The following CAST variants were observed in gnomAD, a reference collection of about 807,000 sequenced individuals.
The protein encoded by CAST is MIR583 host.
A neutral mutation model predicts 119.6 loss-of-function variants in CAST; 76 were observed. That is an observed-to-expected ratio of 0.64 (90% CI 0.53 to 0.77). The LOEUF is 0.77. CAST is among the 30% of genes least tolerant of loss of function. CAST has a pLI of 0.00. For synonymous variants in CAST, 319 were observed against 331.6 expected, an observed-to-expected ratio of 0.96 and a Z score of 0.41; for missense variants, 953 against 946.5, an observed-to-expected ratio of 1.01 and a Z score of -0.09.
the CAST span, among the ~76,000 whole-genome samples, chr5:95,993,824 C>CA: frequency 6.6e-6 from 1 of 151,678 alleles, no homozygotes; most frequent in African/African-American, 2.4e-5. Flanking sequence ...ACAGACGCTT[C>CA]AAAAAAGAAC....
chr5:96,412,596 A>G, the CAST span: 1 of 1,057,568 alleles, frequency 9.5e-7, no homozygotes, highest in Non-Finnish European at 1.4e-6. Context: ...TTTAAGAGTC[A>G]AAAACCAGGT....
At chr5:96,399,227 A>G in the CAST span, among the ~76,000 whole-genome samples, 49 of 152,228 alleles carry the variant, frequency 3.2e-4, no homozygotes, top group Non-Finnish European at 5.3e-4. Context: ...AGGGGCACTA[A>G]TACTTAAATA....
At chr5:96,584,644 T>C (rs893790941) in intron 1 of CAST, 2 of 152,130 alleles carry the variant, frequency 1.3e-5, no homozygotes, top group Admixed American at 1.3e-4. Flanking sequence ...AGAAAGTGAG[T>C]GCAGCCTTCA....
chr5:96,615,644 A>C (rs981476111), intron 1 of CAST, among the ~76,000 whole-genome samples: 2 of 152,124 alleles, frequency 1.3e-5, no homozygotes, highest in Non-Finnish European at 2.9e-5. Context: ...GTGGAGGTGT[A>C]TGGTAGTGAG....
At chr5:96,727,599 G>T in intron 6 of CAST, 69 bp downstream of exon 6, 3 of 1,024,376 alleles carry the variant, frequency 2.9e-6, no homozygotes, top group Non-Finnish European at 4.4e-6. Context: ...TCAACTTCCT[G>T]CCTTGGCACA....
Position 96,695,827 on chromosome 5 carries a change from A to AT in CAST, c.139-5dup. 6.2e-7 allele frequency: 1 copy of AT among 1,603,044 alleles called. No homozygotes were observed. Among genetic ancestry groups the AT allele is most frequent in the Non-Finnish European group, 8.5e-7 (1 of 1,170,814 alleles). On this transcript the variant is annotated splice_polypyrimidine_tract_variant and intron_variant, in intron 2 of 31. Coordinates refer to ENST00000675179, the MANE Select transcript of CAST (RefSeq NM_001750.7). ...TCCCCCATTGAAACTAATATTTTCT[A>AT]TTTTCAAGAAAAAAGCAGCAAGCCT...
chr5:96,706,112 G>A (rs1008018117), intron 3 of CAST, among the ~76,000 whole-genome samples: 4 of 152,120 alleles, frequency 2.6e-5, no homozygotes, highest in Admixed American at 1.3e-4. Flanking sequence ...TAGTTTTATC[G>A]TAATATGAAT....
the CAST span, among the ~76,000 whole-genome samples, chr5:96,149,355 A>G: frequency 0.028 from 4,254 of 152,268 alleles, 183 homozygotes; most frequent in African/African-American, 0.096. Flanking sequence ...GATATTTGCT[A>G]GGCTATTTTT....
chr5:96,648,374 CTATT>C (rs1412545911), intron 1 of CAST, among the ~76,000 whole-genome samples: 1 of 152,064 alleles, frequency 6.6e-6, no homozygotes, highest in Non-Finnish European at 1.5e-5. Context: ...TCCTCATAAA[CTATT>C]TATTTCTCTC....
chr5:96,672,178 T>G (rs1750153955), intron 1 of CAST, among the ~76,000 whole-genome samples: 1 of 152,178 alleles, frequency 6.6e-6, no homozygotes, highest in Non-Finnish European at 1.5e-5. Flanking sequence ...GTGATTTACT[T>G]TCCATTACAG....
At chr5:96,426,051 A>G in the CAST span, 2 of 701,776 alleles carry the variant, frequency 2.8e-6, no homozygotes, top group African/African-American at 1.8e-5. Context: ...TTTTCATTTG[A>G]CTACAGATTA....
chr5:96,518,340 A>G, the CAST span, among the ~76,000 whole-genome samples: 1 of 152,248 alleles, frequency 6.6e-6, no homozygotes, highest in Non-Finnish European at 1.5e-5. Context: ...CTAGCCAAAA[A>G]GAAAAGAAAT....
chr5:96,068,178 G>C, the CAST span, among the ~76,000 whole-genome samples: 1 of 152,132 alleles, frequency 6.6e-6, no homozygotes, highest in Non-Finnish European at 1.5e-5. Flanking sequence ...ATTTTAGTCA[G>C]GCAGAAGCAT....
chr5:96,744,406 G>A (rs147745857), intron 16 of CAST, among the ~76,000 whole-genome samples: 3 of 152,252 alleles, frequency 2.0e-5, no homozygotes, highest in Non-Finnish European at 4.4e-5. Context: ...ATGTGCAGGG[G>A]AACTCCCCTT....
chr5:96,334,616 T>A, the CAST span, among the ~76,000 whole-genome samples: 1 of 152,202 alleles, frequency 6.6e-6, no homozygotes, highest in Non-Finnish European at 1.5e-5. Context: ...TCAACTACAA[T>A]GCCACTTCCT....
the CAST span, among the ~76,000 whole-genome samples, chr5:96,342,050 A>T: frequency 6.6e-6 from 1 of 152,182 alleles, no homozygotes; most frequent in Non-Finnish European, 1.5e-5. Context: ...ACTGAATCCA[A>T]GGCTGTATTC....
the CAST span, among the ~76,000 whole-genome samples, chr5:96,005,624 A>G: frequency 3.3e-5 from 5 of 152,342 alleles, no homozygotes; most frequent in African/African-American, 4.8e-5. Flanking sequence ...ATTATCAAGT[A>G]TATCAGTTAC....
rs566053166 is a variant in CAST at position 96,692,273 on chromosome 5, C to T, written c.139-3563C>T. Among the ~76,000 whole-genome samples, 170 of 152,088 alleles carry T rather than the reference C, an allele frequency of 1.1e-3. 2 individuals carry two copies. In the South Asian group the frequency reaches 0.034, roughly 30 times the overall value. On this transcript the variant is annotated intron_variant, in intron 2 of 31. Coordinates refer to ENST00000675179, the MANE Select transcript of CAST (RefSeq NM_001750.7). ...GAGTATAAGTGTGAAGAGATACCAA[C>T]AAAACTAAGCACAAGGTGACATGAA...
chr5:96,534,737 GAGAGAAAGAAAGAAAGAAAGAA>G (rs1183749643), intron 1 of CAST, among the ~76,000 whole-genome samples: 17 of 14,230 alleles, frequency 1.2e-3, no homozygotes, highest in African/African-American at 3.4e-3. Flanking sequence ...GAGAGAGAGA[GAGAGAAAGAAAGAAAGAAAGAA>G]AGAAAGAAAG....
Sources: gnomAD v4.1 joint callset for allele counts (sites outside exome capture counted in the v4.1 genomes callset) on GRCh38, gnomAD v4.1.1 for gene constraint, MANE v1.5 for transcripts, NCBI Gene and HGNC (gene_info 2026-07-23, HGNC 2026-07-21) for gene names.